Variants in PNLIPRP3 observed in about 807,000 individuals in gnomAD.
PNLIPRP3 encodes pancreatic lipase related protein 3, also known as pancreatic lipase-related protein 3.
In PNLIPRP3, 58 loss-of-function variants were observed where a neutral mutation model predicts 52.8. That is an observed-to-expected ratio of 1.10 (90% confidence interval 0.89 to 1.37). PNLIPRP3 has a LOEUF of 1.37. Ranked by LOEUF, PNLIPRP3 falls within the 40% of genes most tolerant of loss-of-function variation. PNLIPRP3 has a pLI of 0.00. For synonymous variants in PNLIPRP3, 192 were observed against 185.0 expected (o/e 1.04, Z -0.31); for missense variants, 593 against 561.6 (o/e 1.06, Z -0.57).
chr10:116,471,697 T>G, intron 9 of PNLIPRP3, 71 bp from the exon 10 acceptor site: 1 of 1,148,758 alleles, frequency 8.7e-7, no homozygotes, highest in Non-Finnish European at 1.3e-6. Context: ...CATTAAAGGA[T>G]CCAGGAAGTC....
At chr10:116,442,633 G>A (rs192441713) in intron 2 of PNLIPRP3, among the ~76,000 whole-genome samples, 2 of 152,118 alleles carry the variant, frequency 1.3e-5, no homozygotes, top group African/African-American at 2.4e-5. Flanking sequence ...GGAGGCTGAG[G>A]TAGGAAGATC....
intron 1 of PNLIPRP3, among the ~76,000 whole-genome samples, chr10:116,433,595 T>C (rs1424643680): frequency 1.3e-5 from 2 of 152,186 alleles, no homozygotes; most frequent in Non-Finnish European, 2.9e-5. Flanking sequence ...TGTATTGTTG[T>C]TCCCCATATT....
chr10:116,443,632 C>CATATATATAACACATATGTGTTT (rs956824463), intron 3 of PNLIPRP3, among the ~76,000 whole-genome samples: 4 of 2,226 alleles, frequency 1.8e-3, no homozygotes, highest in African/African-American at 2.1e-3. Flanking sequence ...ATATATAACA[C>CATATATATAACACATATGTGTTT]ATATATATAA....
At chr10:116,466,635 A>C (rs879481646) in intron 8 of PNLIPRP3, among the ~76,000 whole-genome samples, 2 of 148,132 alleles carry the variant, frequency 1.4e-5, no homozygotes, top group African/African-American at 5.0e-5. Flanking sequence ...TAAAGCATAG[A>C]TAGCTCACAG....
chr10:116,443,795 G>A (rs2033396), intron 3 of PNLIPRP3, among the ~76,000 whole-genome samples: 1,153 of 11,222 alleles, frequency 0.1, 39 homozygotes, highest in South Asian at 0.44. Flanking sequence ...GTATGTATGT[G>A]TGTGTGCATA....
chr10:116,476,499 T>C (rs1231914142), intron 10 of PNLIPRP3, among the ~76,000 whole-genome samples, 153 bp from the exon 11 acceptor site: 3 of 152,222 alleles, frequency 2.0e-5, no homozygotes, highest in Non-Finnish European at 4.4e-5. Context: ...TATTCTGAGA[T>C]GCTGATCAAT....
chr10:116,448,028 AAGAAAGAAAGAAAG>A (rs1008991603), intron 4 of PNLIPRP3, among the ~76,000 whole-genome samples: 3 of 4,776 alleles, frequency 6.3e-4, no homozygotes, highest in African/African-American at 7.9e-4. Flanking sequence ...GAAGGAAGGA[AAGAAAGAAAGAAAG>A]AGAAAGAAAG....
intron 4 of PNLIPRP3, among the ~76,000 whole-genome samples, chr10:116,447,958 C>CAA (rs35367938): frequency 9.2e-6 from 1 of 108,476 alleles, no homozygotes; most frequent in East Asian, 2.5e-4. Flanking sequence ...GAGACTCCAT[C>CAA]AAAAAAAAAA....
At chr10:116,448,534 G>A (rs1365919570) in intron 4 of PNLIPRP3, among the ~76,000 whole-genome samples, 2 of 152,112 alleles carry the variant, frequency 1.3e-5, no homozygotes, top group East Asian at 3.9e-4. Flanking sequence ...AGACAGAAAG[G>A]TAGGAAACAA....
chr10:116,432,606 T>C (rs1431487), intron 1 of PNLIPRP3, among the ~76,000 whole-genome samples: 133,507 of 152,130 alleles, frequency 0.88, 59,232 homozygotes, highest in South Asian at 0.97. Flanking sequence ...ATAAAACTAA[T>C]GATGCCATGA....
At position 116,428,076 on chromosome 10, in the gene PNLIPRP3, T is replaced by C. The variant is rs374943127; in HGVS notation, c.49+15T>C. ...CACATCAAGAGGTAAGATTCATAAT[T>C]TATAATAAGTTCTTTAAAAATAATG... On this transcript the variant is annotated intron_variant, in intron 1 of 11. Transcript: ENST00000369230. 233 of 1,566,144 alleles carry C rather than the reference T, an allele frequency of 1.5e-4. 2 individuals are homozygous for C. Among genetic ancestry groups the C allele is most frequent in the Admixed American group, 2.4e-4 (14 of 59,008 alleles).
chr10:116,462,410 G>C lies in PNLIPRP3; in HGVS notation c.808+1120G>C, dbSNP rs1846205868. On this transcript the variant is annotated intron_variant, in intron 7 of 11. Coordinates refer to ENST00000369230, the MANE Select transcript of PNLIPRP3 (RefSeq NM_001011709.3). ...AATCCCCTGTAGTCAAGATATCAAG[G>C]AGTTGAAATTACTTGCTCTTTCATT... Among the ~76,000 whole-genome samples the C allele has an allele frequency of 2.6e-5, 4 of 151,602 alleles. No homozygotes were observed. In the South Asian group the frequency reaches 8.3e-4, roughly 31 times the overall value.
At chr10:116,453,090 G>T (rs914492217) in intron 4 of PNLIPRP3, among the ~76,000 whole-genome samples, 3 of 152,222 alleles carry the variant, frequency 2.0e-5, no homozygotes, top group Non-Finnish European at 2.9e-5. Context: ...GGGCAGGGCT[G>T]CCCAAGGCCT....
At chr10:116,447,921 A>T (rs1322116162) in intron 4 of PNLIPRP3, among the ~76,000 whole-genome samples, 2 of 149,278 alleles carry the variant, frequency 1.3e-5, no homozygotes, top group Non-Finnish European at 3.0e-5. Flanking sequence ...TGGGTAACAG[A>T]CTGCACTCCA....
intron 1 of PNLIPRP3, among the ~76,000 whole-genome samples, chr10:116,435,145 T>C (rs75629279): frequency 0.13 from 19,279 of 152,224 alleles, 1,498 homozygotes; most frequent in Admixed American, 0.25. Flanking sequence ...TTTATCTAGT[T>C]ATAATAATAT....
chr10:116,430,095 T>C (rs1845688561), intron 1 of PNLIPRP3, among the ~76,000 whole-genome samples: 1 of 152,192 alleles, frequency 6.6e-6, no homozygotes, highest in African/African-American at 2.4e-5. Flanking sequence ...AGATGGAGTC[T>C]TAATAGGATG....
intron 2 of PNLIPRP3, among the ~76,000 whole-genome samples, chr10:116,440,816 G>A (rs545134242): frequency 4.6e-5 from 7 of 152,226 alleles, no homozygotes; most frequent in Non-Finnish European, 7.4e-5. Flanking sequence ...GCACACTTCC[G>A]GTAGTTTCTG....
chr10:116,469,368 A>T lies in PNLIPRP3; in HGVS notation c.1060+51A>T, dbSNP rs746295002. On this transcript the variant is annotated intron_variant, in intron 9 of 11. Transcript: ENST00000369230. ...GTAATGCTTTAAGGTACTTATCTTT[A>T]AAAATTCAACAGTTTTTATTGAGTG... The T allele has an allele frequency of 5.3e-6, 8 of 1,509,828 alleles. No homozygotes were observed. In the South Asian group the frequency reaches 9.3e-5, roughly 18 times the overall value. The allele number at this position is 1,509,828 out of a possible 1,614,324, so 93.5% of individuals were successfully genotyped here.
At chr10:116,438,165 C>T (rs554450230) in intron 2 of PNLIPRP3, among the ~76,000 whole-genome samples, 6 of 152,198 alleles carry the variant, frequency 3.9e-5, no homozygotes, top group South Asian at 2.1e-4. Flanking sequence ...AGTCTAACAG[C>T]GAAGCAGGCA....
Sources: allele counts gnomAD v4.1 joint callset (sites outside exome capture counted in the v4.1 genomes callset), GRCh38; gene constraint gnomAD v4.1.1; transcripts MANE v1.5; gene names NCBI Gene and HGNC (gene_info 2026-07-23, HGNC 2026-07-21).